The following BCR variants were observed in gnomAD, a reference collection of about 807,000 sequenced individuals.
BCR encodes BCR activator of RhoGEF and GTPase.
Under a neutral mutation model 138.6 loss-of-function variants are expected in BCR, and 58 were observed. That is an observed-to-expected ratio of 0.42 (90% confidence interval 0.34 to 0.52). The LOEUF (loss-of-function observed/expected upper bound fraction) is 0.52, where lower values mean the gene tolerates loss of function less well. Among genes scored for constraint, BCR ranks in the 20% least tolerant of loss-of-function variants. The probability of loss-of-function intolerance (pLI) is 0.06; values close to 1 mark genes in which losing one functional copy is unlikely to be tolerated. For missense variants in BCR, 1,599 were observed against 1,727.2 expected (o/e 0.93, Z 1.32); for synonymous variants, 786 against 730.1 (o/e 1.08, Z -1.23).
At chr22:23,214,907 A>G (rs1360391107) in intron 1 of BCR, among the ~76,000 whole-genome samples, 1 of 152,184 alleles carries the variant, frequency 6.6e-6, no homozygotes, top group Non-Finnish European at 1.5e-5. Context: ...TTGGGCAACC[A>G]TCACCACTAT....
At chr22:23,234,298 T>C (rs193109947) in intron 1 of BCR, among the ~76,000 whole-genome samples, 3 of 152,312 alleles carry the variant, frequency 2.0e-5, no homozygotes, top group African/African-American at 7.2e-5. Flanking sequence ...GTTATGTGAA[T>C]GTGAAGTTAT....
intron 1 of BCR, among the ~76,000 whole-genome samples, chr22:23,240,629 G>T (rs1321329427): frequency 6.6e-6 from 1 of 151,874 alleles, no homozygotes; most frequent in African/African-American, 2.4e-5. Context: ...TCCAGCCTGG[G>T]TGACAGAGCG....
intron 1 of BCR, among the ~76,000 whole-genome samples, chr22:23,225,273 A>G (rs929988147): frequency 9.2e-5 from 14 of 151,816 alleles, no homozygotes; most frequent in Non-Finnish European, 1.8e-4. Context: ...GACCAGAGAC[A>G]TCATCTGAAC....
intron 1 of BCR, among the ~76,000 whole-genome samples, chr22:23,243,711 A>T: frequency 6.7e-6 from 1 of 149,558 alleles, no homozygotes; most frequent in Non-Finnish European, 1.5e-5. Flanking sequence ...TGCAGTGGCG[A>T]GATCTCGGCT....
intron 21 of BCR, 150 bp from the exon 22 acceptor site, chr22:23,314,402 G>A: frequency 1.0e-6 from 1 of 956,306 alleles, no homozygotes; most frequent in Non-Finnish European, 1.6e-6. Context: ...CTGGGCCACT[G>A]AGACCCAGAA....
intron 20 of BCR, 142 bp from the exon 21 acceptor site, chr22:23,313,826 A>C (rs567071779): frequency 3.0e-5 from 24 of 805,974 alleles, no homozygotes; most frequent in Non-Finnish European, 5.3e-5. Context: ...AGGGTCCTCA[A>C]TGGGGGCCAG....
chr22:23,219,976 T>A (rs1013590637), intron 1 of BCR, among the ~76,000 whole-genome samples: 2 of 152,166 alleles, frequency 1.3e-5, no homozygotes, highest in Admixed American at 1.3e-4. Context: ...GAGCATTGAG[T>A]CATCCTGTTA....
At chr22:23,258,051 G>C (rs1184500439) in intron 2 of BCR, among the ~76,000 whole-genome samples, 1 of 152,158 alleles carries the variant, frequency 6.6e-6, no homozygotes, top group Non-Finnish European at 1.5e-5. Context: ...TGCCCTGGGG[G>C]GACAGGTGTG....
Position 23,295,154 on chromosome 22 carries a change from A to T in BCR, c.3011A>T (p.Gln1004Leu). Residue 1004 changes from glutamine (Q) to leucine (L), a missense_variant and splice_region_variant, in exon 16 of 23, where the codon CAG becomes CTG. Coordinates refer to ENST00000305877, the MANE Select transcript of BCR (RefSeq NM_004327.4). ...AGACTCATGGGGAAGGGCCAGGTCC[A>T]GGTGAGGCAGCCATCCCTACCCTCC... is the stretch of plus-strand genomic sequence containing the variant. ...TDRLMGKGQV[Q>L]LDPQALQDRD... 6.3e-7 allele frequency: 1 copy of T among 1,580,044 alleles called. No individual in the cohort carries two copies. Among genetic ancestry groups the T allele is most frequent in the East Asian group, 2.4e-5 (1 of 42,336 alleles).
chr22:23,273,684 G>A lies in BCR; in HGVS notation c.2025G>A (p.Gln675=). 1.2e-6 allele frequency: 2 copies of A among 1,614,150 alleles called. No individual in the cohort carries two copies. The highest frequency in any genetic ancestry group is 4.5e-5 in the East Asian group (2 of 44,890). ...GCCACCCTGACCACCCCTTGCTGCA[G>A]GACGCCCTCCGCATCTCACAGAACT... ...PASHPDHPLL[Q]DALRISQNFL... is the part of the protein sequence containing the mutation. The change falls in exon 8 of 23, where the codon CAG becomes CAA. Residue 675 remains glutamine (Q), a synonymous_variant. Coordinates refer to ENST00000305877, the MANE Select transcript of BCR (RefSeq NM_004327.4).
chr22:23,253,715 G>A (rs2073258860), intron 1 of BCR, 84 bp from the exon 2 acceptor site: 5 of 1,496,014 alleles, frequency 3.3e-6, no homozygotes, highest in Non-Finnish European at 4.5e-6. Flanking sequence ...CAGAGATGGT[G>A]TCAGCTGGGT....
intron 12 of BCR, among the ~76,000 whole-genome samples, chr22:23,289,272 ATGTG>A (rs1311446201): frequency 6.6e-6 from 1 of 152,026 alleles, no homozygotes; most frequent in Non-Finnish European, 1.5e-5. Flanking sequence ...GTAGCGTGGG[ATGTG>A]TGTGTTTGTA....
chr22:23,297,141 A>T (rs114741271), intron 16 of BCR, among the ~76,000 whole-genome samples: 1 of 151,636 alleles, frequency 6.6e-6, no homozygotes, highest in Non-Finnish European at 1.5e-5. Context: ...GGCTGAAGCA[A>T]TCTTTGTGCC....
At chr22:23,213,233 G>T (rs1200021801) in intron 1 of BCR, among the ~76,000 whole-genome samples, 1 of 152,200 alleles carries the variant, frequency 6.6e-6, no homozygotes, top group Non-Finnish European at 1.5e-5. Flanking sequence ...GGCTGTCCTT[G>T]GTTGGGTACA....
intron 16 of BCR, among the ~76,000 whole-genome samples, chr22:23,297,467 A>T (rs1429036883): frequency 1.3e-5 from 2 of 152,148 alleles, no homozygotes; most frequent in African/African-American, 4.8e-5. Flanking sequence ...CCTGCTCAGA[A>T]TCAGGGCCCT....
chr22:23,270,447 T>C (rs2073497139), intron 5 of BCR, among the ~76,000 whole-genome samples: 1 of 152,204 alleles, frequency 6.6e-6, no homozygotes, highest in Non-Finnish European at 1.5e-5. Flanking sequence ...CACGGACACG[T>C]GGGCCGCCTC....
rs1311190490 is a variant in BCR, at chr22:23,316,265, G to C, written c.*743G>C. On this transcript the variant is annotated 3_prime_UTR_variant, in exon 23 of 23. Coordinates refer to ENST00000305877, the MANE Select transcript of BCR (RefSeq NM_004327.4). Reference sequence around the variant, plus strand: ...TCCAGGGAGAGCGACCTCGTCCCCCGATCCTGACCGCCCTTCCGGCCCACG... The same window carrying C: ...TCCAGGGAGAGCGACCTCGTCCCCCCATCCTGACCGCCCTTCCGGCCCACG... 6.2e-6 allele frequency: 1 copy of C among 161,666 alleles called. No homozygotes were observed. The highest frequency in any genetic ancestry group is 1.1e-5 in the Non-Finnish European group (1 of 87,470). The allele number at this position is 161,666 out of a possible 1,614,324, so 10.0% of individuals were successfully genotyped here. A position where few individuals can be genotyped will look rare whatever the true frequency, so the allele number is the denominator to read the frequency against.
chr22:23,261,492 G>A lies in BCR; in HGVS notation c.1704G>A (p.Val568=). 2.5e-6 allele frequency: 4 copies of A among 1,613,504 alleles called. No individual in the cohort carries two copies. Among genetic ancestry groups the A allele is most frequent in the Non-Finnish European group, 3.4e-6 (4 of 1,180,036 alleles). Residue 568 remains valine, a synonymous_variant, in exon 4 of 23, where the codon GTG becomes GTA. Coordinates refer to ENST00000305877, the MANE Select transcript of BCR (RefSeq NM_004327.4). The stretch of plus-strand genomic sequence containing the variant: ...TCTATGATGGGCTCTTCCCCCGCGT[G>A]CAGCAGTGGAGCCACCAGCAGCGGG... ...KEFYDGLFPR[V]QQWSHQQRVG...
At chr22:23,239,479 G>A (rs2146253062) in intron 1 of BCR, among the ~76,000 whole-genome samples, 1 of 152,226 alleles carries the variant, frequency 6.6e-6, no homozygotes, top group African/African-American at 2.4e-5. Flanking sequence ...TGACCTTGTG[G>A]GCCTTGGTGT....
Sources: allele counts gnomAD v4.1 joint callset (sites outside exome capture counted in the v4.1 genomes callset), GRCh38; gene constraint gnomAD v4.1.1; transcripts MANE v1.5; gene names NCBI Gene and HGNC (gene_info 2026-07-23, HGNC 2026-07-21).